MECR: variants seen among roughly 807,000 people sequenced by gnomAD.
The protein encoded by MECR is enoyl-[acyl-carrier-protein] reductase, mitochondrial.
In MECR, 37 loss-of-function variants were observed where a neutral mutation model predicts 49.1. That is an observed-to-expected ratio of 0.75 (90% CI 0.58 to 0.99). The LOEUF is 0.99. Ranked by LOEUF, MECR falls within the 50% of genes least tolerant of loss-of-function variation. MECR has a pLI of 0.00. For missense variants in MECR, 470 were observed against 479.6 expected (o/e 0.98, Z 0.19); for synonymous variants, 198 against 191.1 (o/e 1.04, Z -0.30).
intron 1 of MECR, chr1:29,220,903 C>G: frequency 2.0e-6 from 2 of 985,334 alleles, no homozygotes; most frequent in Non-Finnish European, 2.4e-6. Flanking sequence ...ACCTCTGGAA[C>G]AATTCCCTGG....
chr1:29,193,880 G>T lies in MECR; in HGVS notation c.*142C>A. ...AAGGCTGGCCCTGGGGAAAACCGTG[G>T]CTGGCTTCACCATCCTCCTAATAGG... On this transcript the variant is annotated 3_prime_UTR_variant, in exon 10 of 10. Coordinates refer to ENST00000263702, the MANE Select transcript of MECR (RefSeq NM_016011.5). The T allele has an allele frequency of 9.9e-7, 1 of 1,006,042 alleles. No individual in the cohort carries two copies. The highest frequency in any genetic ancestry group is 1.5e-6 in the Non-Finnish European group (1 of 689,016). 62.3% of individuals were successfully genotyped at this position (1,006,042 alleles called of 1,614,324 possible).
At position 29,216,679 on chromosome 1, in the gene MECR, C is replaced by T; in HGVS notation, c.183G>A (p.Lys61=). ...HGDPAKVVEL[K]NLELAAVRGS... The stretch of plus-strand genomic sequence containing the variant: ...CTCTCACAGCAGCTAGCTCCAGGTT[C>T]TTGAGTCTAAGCACAAAGCCAAACG... The change falls in exon 2 of 10, where the codon AAG becomes AAA. Residue 61 remains lysine, a synonymous_variant. Coordinates refer to ENST00000263702, the MANE Select transcript of MECR (RefSeq NM_016011.5). The T allele has an allele frequency of 6.2e-7, 1 of 1,614,206 alleles. No individual in the cohort carries two copies. The highest frequency in any genetic ancestry group is 8.5e-7 in the Non-Finnish European group (1 of 1,180,040).
chr1:29,208,133 C>G (rs10915240), intron 3 of MECR, among the ~76,000 whole-genome samples: 17,521 of 152,134 alleles, frequency 0.12, 1,373 homozygotes, highest in East Asian at 0.41. Context: ...GCTGGGATTA[C>G]AGGCACCTGC....
the MECR span, among the ~76,000 whole-genome samples, chr1:29,175,934 T>C: frequency 6.6e-6 from 1 of 151,946 alleles, no homozygotes; most frequent in Non-Finnish European, 1.5e-5. Context: ...GGGATGCTAT[T>C]TCTGAGGCTG....
chr1:29,179,414 C>A, the MECR span, among the ~76,000 whole-genome samples: 5 of 152,140 alleles, frequency 3.3e-5, no homozygotes, highest in African/African-American at 1.2e-4. Flanking sequence ...GACTGGAGTG[C>A]AGTGTCACAA....
In MECR at chr1:29,216,620, G is replaced by A. The variant is rs1373869193; in HGVS notation, c.242C>T (p.Pro81Leu). ...CATATTTATGTCAGATGGATTGATA[G>A]GGGCCGCCAGCATCTTCACACGGAC... ...SDVRVKMLAA[P>L]INPSDINMIQ... The change falls in exon 2 of 10, where the codon CCT (proline) becomes CTT (leucine). Residue 81 changes from proline (P) to leucine (L), a missense_variant. Pro to Leu is a moderately conservative substitution (Grantham distance 98, BLOSUM62 -3). Coordinates refer to ENST00000263702, the MANE Select transcript of MECR (RefSeq NM_016011.5). 72 of 1,614,084 alleles carry A rather than the reference G, an allele frequency of 4.5e-5. No individual in the cohort carries two copies. Among genetic ancestry groups the A allele is most frequent in the Non-Finnish European group, 5.8e-5 (69 of 1,180,048 alleles).
At chr1:29,187,250 G>A in the MECR span, among the ~76,000 whole-genome samples, 3 of 152,278 alleles carry the variant, frequency 2.0e-5, no homozygotes, top group Admixed American at 2.0e-4. Context: ...GTCTCACTCT[G>A]TTGCCCAGGC....
chr1:29,211,043 C>T (rs1034378278), intron 3 of MECR, among the ~76,000 whole-genome samples: 5 of 152,000 alleles, frequency 3.3e-5, no homozygotes, highest in Admixed American at 3.3e-4. Flanking sequence ...CAAACTGTGG[C>T]CTGTGGGCTA....
At chr1:29,172,393 G>GCGGTT in the MECR span, 1 of 152,178 alleles carries the variant, frequency 6.6e-6, no homozygotes, top group Admixed American at 6.6e-5. Flanking sequence ...CCGGGTTCAA[G>GCGGTT]CGGTTCTCCT....
At chr1:29,228,679 C>CA (rs796439580) in intron 1 of MECR, among the ~76,000 whole-genome samples, 6 of 149,622 alleles carry the variant, frequency 4.0e-5, no homozygotes, top group Non-Finnish European at 8.9e-5. Flanking sequence ...ATAATAGAAG[C>CA]TTTTTTTTTT....
chr1:29,173,964 G>A, the MECR span, among the ~76,000 whole-genome samples: 1 of 151,556 alleles, frequency 6.6e-6, no homozygotes, highest in African/African-American at 2.4e-5. Context: ...TGAGGTGGGC[G>A]GATCACCTGA....
At chr1:29,176,985 G>A in the MECR span, among the ~76,000 whole-genome samples, 1 of 146,398 alleles carries the variant, frequency 6.8e-6, no homozygotes, top group Non-Finnish European at 1.5e-5. Context: ...CTACTAGACA[G>A]GCAAAATAAT....
At chr1:29,228,221 A>G (rs189710419) in intron 1 of MECR, among the ~76,000 whole-genome samples, 168 of 151,796 alleles carry the variant, frequency 1.1e-3, no homozygotes, top group African/African-American at 4.0e-3. Flanking sequence ...AAATAAATAA[A>G]TAAATAAATA....
chr1:29,230,831 A>C lies in MECR; in HGVS notation c.76T>G (p.Cys26Gly), dbSNP rs1417962670. ...QWRGLLPASG[C>G]HGPAASSYSA... ...TAGGAGGAGGCGGCAGGTCCGTGAC[A>C]GCCAGAAGCTGGGAGCAGCCCCCGC... Residue 26 changes from cysteine to glycine, a missense_variant, in exon 1 of 10, where the codon TGT becomes GGT. Cys to Gly is a radical substitution (Grantham distance 159, BLOSUM62 -3). Transcript: ENST00000263702. 13 of 1,608,248 alleles carry C rather than the reference A, an allele frequency of 8.1e-6. No homozygotes were observed. Among genetic ancestry groups the C allele is most frequent in the Non-Finnish European group, 1.1e-5 (13 of 1,179,248 alleles).
In MECR at chr1:29,199,930, A is replaced by AT. The variant is rs35789718; in HGVS notation, c.830+585dup. Among the ~76,000 whole-genome samples the AT allele has an allele frequency of 1.5e-4, 22 of 146,152 alleles. 1 individual carries two copies. The highest frequency in any genetic ancestry group is 8.1e-4 in the East Asian group (4 of 4,944). The stretch of plus-strand genomic sequence containing the variant: ...GCCAGGTAACTTAAAAAAAAAATTA[A>AT]TTTTTTTTTTTGTAGTGATGGGGTC... On this transcript the variant is annotated intron_variant, in intron 7 of 9. Coordinates refer to ENST00000263702, the MANE Select transcript of MECR (RefSeq NM_016011.5).
intron 4 of MECR, 93 bp from the exon 5 acceptor site, chr1:29,203,326 G>A: frequency 2.1e-6 from 2 of 958,248 alleles, no homozygotes; most frequent in South Asian, 1.6e-5. Context: ...AGGCAAGGGA[G>A]TCCTCAGGCT....
chr1:29,202,253 G>T (rs1238631276), intron 5 of MECR, among the ~76,000 whole-genome samples: 1 of 152,214 alleles, frequency 6.6e-6, no homozygotes, highest in Non-Finnish European at 1.5e-5. Flanking sequence ...AACAGAGTGA[G>T]ACTGGGTGGT....
At chr1:29,212,796 C>T (rs771535525) in intron 3 of MECR, among the ~76,000 whole-genome samples, 2 of 152,234 alleles carry the variant, frequency 1.3e-5, no homozygotes, top group African/African-American at 4.8e-5. Flanking sequence ...ACCCCTCGCA[C>T]CGTGGATGCA....
intron 6 of MECR, 46 bp from the exon 7 acceptor site, chr1:29,200,635 T>C (rs138711412): frequency 2.6e-6 from 4 of 1,558,982 alleles, no homozygotes; most frequent in Non-Finnish European, 3.5e-6. Context: ...CCGCTCTACA[T>C]ATGGGGTCTG....
Sources: gnomAD v4.1 joint callset for allele counts (sites outside exome capture counted in the v4.1 genomes callset) on GRCh38, gnomAD v4.1.1 for gene constraint, MANE v1.5 for transcripts, NCBI Gene and HGNC (gene_info 2026-07-23, HGNC 2026-07-21) for gene names.